STARD9: variants seen among roughly 807,000 people sequenced by gnomAD.
STARD9 encodes stAR-related lipid transfer protein 9.
Under a neutral mutation model 399.8 loss-of-function variants are expected in STARD9, and 346 were observed. That is an observed-to-expected ratio of 0.87 (90% CI 0.79 to 0.95). STARD9 has a LOEUF of 0.95. STARD9 is among the 40% of genes least tolerant of loss of function. The probability of loss-of-function intolerance (pLI) is 0.00; values close to 1 mark genes in which losing one functional copy is unlikely to be tolerated. For synonymous variants in STARD9, 2,203 were observed against 2,143.5 expected, an observed-to-expected ratio of 1.03 and a Z score of -0.77; for missense variants, 5,832 against 5,667.5, an observed-to-expected ratio of 1.03 and a Z score of -0.93.
chr15:42,699,392 C>CTTTTTCTTTTT (rs2060912049), intron 26 of STARD9, among the ~76,000 whole-genome samples: 1 of 113,280 alleles, frequency 8.8e-6, no homozygotes, highest in African/African-American at 4.1e-5. Flanking sequence ...TTTTTCTTTT[C>CTTTTTCTTTTT]TTTTTTTTTT....
chr15:42,685,822 C>CCTCT lies in STARD9; in HGVS notation c.4245_4248dup (p.Ala1417LeufsTer4), dbSNP rs1566936034. ...TGCAGTGCAAGAGATGAGCACACAG[C>CCTCT]CTCTGCTGCTGATACGTCTAGGCTG... On this transcript the variant is annotated frameshift_variant, in exon 23 of 33. Coordinates refer to ENST00000290607, the MANE Select transcript of STARD9 (RefSeq NM_020759.3). LOFTEE classifies it high-confidence loss of function. The CCTCT allele has an allele frequency of 6.5e-7, 1 of 1,537,182 alleles. No individual in the cohort carries two copies. The highest frequency in any genetic ancestry group is 8.7e-7 in the Non-Finnish European group (1 of 1,146,946).
intron 26 of STARD9, among the ~76,000 whole-genome samples, chr15:42,705,867 C>G (rs1204505930): frequency 1.3e-5 from 2 of 152,174 alleles, no homozygotes; most frequent in African/African-American, 4.8e-5. Context: ...ATTCTCTTGT[C>G]TCAGCCTGCT....
chr15:42,622,002 A>C (rs933613111), intron 3 of STARD9, among the ~76,000 whole-genome samples: 1 of 152,210 alleles, frequency 6.6e-6, no homozygotes, highest in Non-Finnish European at 1.5e-5. Context: ...GAAGCCTATG[A>C]ATTCTCACTG....
At chr15:42,665,764 G>A in intron 14 of STARD9, 22 bp from the exon 15 acceptor site, 1 of 1,536,054 alleles carries the variant, frequency 6.5e-7, no homozygotes. Context: ...AAATATCAAA[G>A]CACATCTCTA....
intron 26 of STARD9, among the ~76,000 whole-genome samples, chr15:42,702,004 A>C (rs111954773): frequency 0.028 from 4,155 of 149,332 alleles, 225 homozygotes; most frequent in African/African-American, 0.087. Context: ...AAAAAAAAAA[A>C]AAAAAAAAAA....
chr15:42,673,850 C>G (rs181142016), intron 16 of STARD9: 2 of 445,504 alleles, frequency 4.5e-6, no homozygotes, highest in African/African-American at 4.0e-5. Flanking sequence ...TTTCCCCCTC[C>G]TCTCTTACAC....
At position 42,687,973 on chromosome 15, in the gene STARD9, C is replaced by A; in HGVS notation, c.6395C>A (p.Ala2132Glu). The change falls in exon 23 of 33, where the codon GCG becomes GAG. Residue 2132 changes from alanine to glutamate, a missense_variant. Ala to Glu is a moderately radical substitution (Grantham distance 107). Transcript: ENST00000290607. ...GTCTTTAGGGATAGTGAAGCTGGAG[C>A]GATGGAGGTTAACAGCATTGGGAAC... is the stretch of plus-strand genomic sequence containing the variant. ...DTVFRDSEAG[A>E]MEVNSIGNHP... The A allele has an allele frequency of 6.5e-6, 10 of 1,537,410 alleles. No homozygotes were observed. The highest frequency in any genetic ancestry group is 8.7e-6 in the Non-Finnish European group (10 of 1,146,966).
chr15:42,680,074 C>T (rs929572138), intron 20 of STARD9, among the ~76,000 whole-genome samples: 1 of 152,160 alleles, frequency 6.6e-6, no homozygotes, highest in South Asian at 2.1e-4. Context: ...GAATCTGACT[C>T]TTCCCAGCCA....
At position 42,583,288 on chromosome 15, in the gene STARD9, G is replaced by C. The variant is rs962538422; in HGVS notation, c.48-58G>C. ...TTTGTCCCACTAGCACTGGTTTTAGGCTCTTTTTTCTTGATTTTAAAAACA... is the reference window on the plus strand; with the variant it reads ...TTTGTCCCACTAGCACTGGTTTTAGCCTCTTTTTTCTTGATTTTAAAAACA... On this transcript the variant is annotated intron_variant, in intron 1 of 32. Transcript: ENST00000290607. The C allele has an allele frequency of 1.2e-5, 16 of 1,341,508 alleles. No individual in the cohort carries two copies. The African/African-American group carries it at 1.9e-4, about 16-fold the overall frequency. The allele number at this position is 1,341,508 out of a possible 1,614,324, so 83.1% of individuals were successfully genotyped here.
chr15:42,675,095 A>G lies in STARD9; in HGVS notation c.1687+131A>G. The stretch of plus-strand genomic sequence containing the variant: ...AGCCTCTGCACCCTGAAGTCTGAAG[A>G]TTTTCTAATATGATCCTATTCCCAT... On this transcript the variant is annotated intron_variant, in intron 18 of 32. Transcript: ENST00000290607. 3 of 972,198 alleles carry G rather than the reference A, an allele frequency of 3.1e-6. No homozygotes were observed. The South Asian group carries it at 6.8e-5, about 22-fold the overall frequency. 60.2% of individuals were successfully genotyped at this position (972,198 alleles called of 1,614,324 possible).
In STARD9 at chr15:42,718,817, A is replaced by G; in HGVS notation, c.13908A>G (p.Lys4636=). ...CATCCATGCCAAGACCCAGCAGAAAAATGGTTCGCGGGGAGATCCTGCCCA... is the reference window on the plus strand; with the variant it reads ...CATCCATGCCAAGACCCAGCAGAAAGATGGTTCGCGGGGAGATCCTGCCCA... ...YDTSMPRPSR[K]MVRGEILPSA... The change falls in exon 32 of 33, where the codon AAA becomes AAG. Residue 4636 remains lysine, a synonymous_variant. Coordinates refer to ENST00000290607, the MANE Select transcript of STARD9 (RefSeq NM_020759.3). The G allele has an allele frequency of 2.6e-6, 4 of 1,537,244 alleles. No individual in the cohort carries two copies. The highest frequency in any genetic ancestry group is 3.5e-6 in the Non-Finnish European group (4 of 1,146,914).
At chr15:42,655,932 C>G (rs1287987930) in intron 9 of STARD9, among the ~76,000 whole-genome samples, 1 of 152,066 alleles carries the variant, frequency 6.6e-6, no homozygotes, top group Admixed American at 6.6e-5. Flanking sequence ...ATAAACAGTT[C>G]TCAAAAGAAG....
intron 22 of STARD9, 100 bp downstream of exon 22, chr15:42,682,675 T>A (rs2060460671): frequency 5.5e-6 from 5 of 903,856 alleles, no homozygotes; most frequent in Non-Finnish European, 6.5e-6. Flanking sequence ...TTCCTCAGTC[T>A]GTGAAATGGA....
intron 26 of STARD9, among the ~76,000 whole-genome samples, chr15:42,699,771 A>T (rs911640597): frequency 1.3e-5 from 2 of 151,792 alleles, no homozygotes; most frequent in African/African-American, 2.4e-5. Flanking sequence ...CAATGGTGCA[A>T]ACTTGGCTCA....
Position 42,693,121 on chromosome 15 carries a change from C to A in STARD9, c.11543C>A (p.Pro3848Gln). The A allele has an allele frequency of 3.3e-6, 5 of 1,537,246 alleles. No individual in the cohort carries two copies. Among genetic ancestry groups the A allele is most frequent in the Non-Finnish European group, 3.5e-6 (4 of 1,146,910 alleles). Residue 3848 changes from proline to glutamine, a missense_variant, in exon 23 of 33, where the codon CCA becomes CAA. By Grantham distance (76) the Pro-to-Gln change is moderately conservative. This residue lies in a region of STARD9 where 5,828 missense variants were observed against 5,651.1 expected (regional missense o/e 1.03). Transcript: ENST00000290607. ...SDAFLPPSSQ[P>Q]EESYCLVVSS... ...GCTTTCCTGCCTCCCAGCTCCCAGCCAGAGGAGTCATATTGCTTAGTTGTC... is the reference window on the plus strand; with the variant it reads ...GCTTTCCTGCCTCCCAGCTCCCAGCAAGAGGAGTCATATTGCTTAGTTGTC...
At chr15:42,608,481 C>G (rs988157848) in intron 3 of STARD9, among the ~76,000 whole-genome samples, 1 of 152,170 alleles carries the variant, frequency 6.6e-6, no homozygotes, top group Non-Finnish European at 1.5e-5. Context: ...AGATTGGTCT[C>G]TAGAGACCCA....
intron 21 of STARD9, 53 bp from the exon 22 acceptor site, chr15:42,682,051 C>G (rs1161240689): frequency 1.0e-5 from 13 of 1,254,442 alleles, no homozygotes; most frequent in African/African-American, 7.5e-5. Context: ...TCCAGGCAGC[C>G]ACAAGCAGGG....
chr15:42,698,709 A>G (rs1030233382), intron 26 of STARD9, among the ~76,000 whole-genome samples: 29 of 152,280 alleles, frequency 1.9e-4, no homozygotes, highest in African/African-American at 7.0e-4. Context: ...ACATTCTTCA[A>G]TCCACAATTA....
chr15:42,715,608 C>T (rs1020839743), intron 26 of STARD9, among the ~76,000 whole-genome samples: 4 of 151,520 alleles, frequency 2.6e-5, no homozygotes, highest in African/African-American at 7.3e-5. Flanking sequence ...GCAACCTCTG[C>T]GTCCTGGGCT....
Sources: gnomAD v4.1 joint callset for allele counts (sites outside exome capture counted in the v4.1 genomes callset) on GRCh38, gnomAD v4.1.1 for gene constraint, gnomAD v4.1.1 regional missense constraint, MANE v1.5 for transcripts, NCBI Gene and HGNC (gene_info 2026-07-23, HGNC 2026-07-21) for gene names.